PTBP3: variants seen among roughly 807,000 people sequenced by gnomAD.
The protein encoded by PTBP3 is polypyrimidine tract-binding protein 3.
Under a neutral mutation model 58.7 loss-of-function variants are expected in PTBP3, and 20 were observed. The ratio of observed to expected loss-of-function variants is 0.34; its 90% confidence interval spans 0.24 to 0.50. The LOEUF (loss-of-function observed/expected upper bound fraction) is 0.50. PTBP3 is among the 20% of genes least tolerant of loss of function. The pLI is 0.98. For synonymous variants in PTBP3, 185 were observed against 219.8 expected (o/e 0.84, Z 1.40); for missense variants, 509 against 637.2 (o/e 0.80, Z 2.17).
At chr9:112,281,553 A>G (rs1212259652) in intron 2 of PTBP3, among the ~76,000 whole-genome samples, 1 of 152,226 alleles carries the variant, frequency 6.6e-6, no homozygotes, top group Non-Finnish European at 1.5e-5. Flanking sequence ...CTGCAGCAGC[A>G]TAATACTGGC....
At chr9:112,248,534 A>G (rs901584622) in intron 7 of PTBP3, among the ~76,000 whole-genome samples, 4 of 152,208 alleles carry the variant, frequency 2.6e-5, no homozygotes, top group Non-Finnish European at 5.9e-5. Context: ...GAGAGGATAA[A>G]TAATAAAAAT....
intron 9 of PTBP3, among the ~76,000 whole-genome samples, chr9:112,231,703 A>G (rs184115916): frequency 2.0e-5 from 3 of 151,562 alleles, no homozygotes; most frequent in African/African-American, 7.3e-5. Context: ...GGAGCTTGAG[A>G]CCAGCCTGGG....
At chr9:112,291,468 A>G (rs1312912956) in intron 2 of PTBP3, among the ~76,000 whole-genome samples, 1 of 152,200 alleles carries the variant, frequency 6.6e-6, no homozygotes, top group Non-Finnish European at 1.5e-5. Context: ...ACTTCTACAC[A>G]TTACAAAGCT....
chr9:112,312,561 A>T (rs1242208508), intron 1 of PTBP3, among the ~76,000 whole-genome samples: 3 of 120,738 alleles, frequency 2.5e-5, no homozygotes, highest in Non-Finnish European at 3.4e-5. Context: ...TATATATGGA[A>T]GGGGAAATGG....
At chr9:112,226,470 T>C (rs923180603) in intron 12 of PTBP3, among the ~76,000 whole-genome samples, 7 of 152,204 alleles carry the variant, frequency 4.6e-5, no homozygotes, top group African/African-American at 1.2e-4. Context: ...CCAAAGCTTA[T>C]AGTCCCTTTT....
intron 5 of PTBP3, among the ~76,000 whole-genome samples, chr9:112,260,326 G>C (rs1836542578): frequency 6.6e-6 from 1 of 152,152 alleles, no homozygotes; most frequent in Non-Finnish European, 1.5e-5. Flanking sequence ...TCATTATAAA[G>C]AAAACAAAAA....
At chr9:112,300,317 T>C (rs182720010) in intron 1 of PTBP3, among the ~76,000 whole-genome samples, 2 of 152,350 alleles carry the variant, frequency 1.3e-5, no homozygotes, top group East Asian at 1.9e-4. Flanking sequence ...AGCAGCATTA[T>C]TTGTACTCGT....
chr9:112,277,595 G>A (rs879541484), intron 2 of PTBP3, among the ~76,000 whole-genome samples: 2 of 151,856 alleles, frequency 1.3e-5, no homozygotes, highest in Admixed American at 6.6e-5. Context: ...AGTGATTCAC[G>A]CCTGTAATCC....
intron 7 of PTBP3, among the ~76,000 whole-genome samples, chr9:112,244,819 ACTG>A (rs1224037388): frequency 6.6e-6 from 1 of 152,066 alleles, no homozygotes; most frequent in Non-Finnish European, 1.5e-5. Flanking sequence ...CCCAATAGCT[ACTG>A]CTGCTGCTTT....
intron 2 of PTBP3, among the ~76,000 whole-genome samples, chr9:112,279,484 A>G (rs758466792): frequency 6.6e-6 from 1 of 152,212 alleles, no homozygotes; most frequent in Non-Finnish European, 1.5e-5. Context: ...TTAAAAATCA[A>G]CTTTATGAGG....
At chr9:112,346,387 G>A in the PTBP3 span, among the ~76,000 whole-genome samples, 2 of 151,878 alleles carry the variant, frequency 1.3e-5, no homozygotes, top group Admixed American at 1.3e-4. Flanking sequence ...GGTGAGTCTC[G>A]AACTCCTGAC....
the PTBP3 span, among the ~76,000 whole-genome samples, chr9:112,360,172 C>T: frequency 1.3e-5 from 2 of 152,278 alleles, no homozygotes; most frequent in Admixed American, 1.3e-4. Context: ...GCAACTACCA[C>T]CCCTAAAACC....
chr9:112,324,525 C>G (rs1476822502), intron 1 of PTBP3, among the ~76,000 whole-genome samples: 2 of 152,136 alleles, frequency 1.3e-5, no homozygotes, highest in Non-Finnish European at 2.9e-5. Flanking sequence ...TGCTGCACAC[C>G]TGTAGTCCCA....
the PTBP3 span, among the ~76,000 whole-genome samples, chr9:112,368,700 G>T: frequency 1.1e-4 from 17 of 152,342 alleles, no homozygotes; most frequent in East Asian, 3.3e-3. Flanking sequence ...TGCAGCACTA[G>T]TGGGAGTGCT....
intron 5 of PTBP3, among the ~76,000 whole-genome samples, chr9:112,258,660 C>T (rs1296847275): frequency 6.6e-6 from 1 of 152,132 alleles, no homozygotes; most frequent in Non-Finnish European, 1.5e-5. Flanking sequence ...TTCTTGATTA[C>T]TCCCTTTCTC....
the PTBP3 span, among the ~76,000 whole-genome samples, chr9:112,373,918 A>G: frequency 6.6e-6 from 1 of 152,192 alleles, no homozygotes; most frequent in Admixed American, 6.5e-5. Flanking sequence ...ATTGATGACT[A>G]TCTTCTTCTG....
At chr9:112,331,819 A>G (rs1830389887) in intron 1 of PTBP3, among the ~76,000 whole-genome samples, 1 of 152,226 alleles carries the variant, frequency 6.6e-6, no homozygotes, top group Non-Finnish European at 1.5e-5. Context: ...TCAAAAAGTA[A>G]GTTTGCACTT....
At chr9:112,372,770 T>C in the PTBP3 span, among the ~76,000 whole-genome samples, 38,584 of 152,144 alleles carry the variant, frequency 0.25, 5,561 homozygotes, top group African/African-American at 0.37. Context: ...CTGAATCATA[T>C]TCTATTGAAT....
the PTBP3 span, among the ~76,000 whole-genome samples, chr9:112,339,085 T>A: frequency 6.6e-6 from 1 of 151,950 alleles, no homozygotes; most frequent in Non-Finnish European, 1.5e-5. Context: ...TCACAGAAAA[T>A]CATCCTTTAA....
Sources: allele counts gnomAD v4.1 joint callset (sites outside exome capture counted in the v4.1 genomes callset), GRCh38; gene constraint gnomAD v4.1.1; transcripts MANE v1.5; gene names NCBI Gene and HGNC (gene_info 2026-07-23, HGNC 2026-07-21).